The following ATRX variants were observed in gnomAD, a reference collection of about 807,000 sequenced individuals.
ATRX encodes the protein chromatin remodeler ATRX.
Under a neutral mutation model 172.6 loss-of-function variants are expected in ATRX, and 12 were observed. The observed-to-expected ratio is 0.07, with a 90% confidence interval of 0.04 to 0.11. The LOEUF (loss-of-function observed/expected upper bound fraction) is 0.11. Among genes scored for constraint, ATRX ranks in the 10% least tolerant of loss-of-function variants. The pLI is 1.00. For missense variants in ATRX, 1,368 were observed against 1,767.4 expected (o/e 0.77, Z 4.05); for synonymous variants, 674 against 594.7 (o/e 1.13, Z -1.94).
At chrX:77,632,693 G>A (rs1179743178) in intron 19 of ATRX, among the ~76,000 whole-genome samples, 3 of 111,939 alleles carry the variant, frequency 2.7e-5, no homozygotes, top group African/African-American at 9.7e-5. Flanking sequence ...ACAGTACAAC[G>A]TGTTGCTTTT....
chrX:77,546,713 G>A (rs2064256703), intron 30 of ATRX, among the ~76,000 whole-genome samples: 1 of 111,505 alleles, frequency 9.0e-6, no homozygotes, highest in Admixed American at 9.6e-5. Flanking sequence ...TGAACTCCTG[G>A]ATTCAAGCAA....
At chrX:77,650,867 C>T (rs782127265) in intron 15 of ATRX, among the ~76,000 whole-genome samples, 1 of 111,977 alleles carries the variant, frequency 8.9e-6, no homozygotes, top group East Asian at 2.8e-4. Context: ...GGATTACAGG[C>T]GTGAGCCACC....
At chrX:77,778,242 A>G (rs1367354268) in intron 1 of ATRX, among the ~76,000 whole-genome samples, 1 of 110,343 alleles carries the variant, frequency 9.1e-6, no homozygotes, top group Non-Finnish European at 1.9e-5. Context: ...AAAAGCTACC[A>G]TACAAAATGC....
At chrX:77,734,986 G>A (rs1390406518) in intron 1 of ATRX, among the ~76,000 whole-genome samples, 1 of 108,271 alleles carries the variant, frequency 9.2e-6, no homozygotes, top group Non-Finnish European at 1.9e-5. Flanking sequence ...CAGCTACTCG[G>A]GAGGCTGAGG....
intron 22 of ATRX, among the ~76,000 whole-genome samples, chrX:77,613,928 T>C (rs1324960528): frequency 8.9e-6 from 1 of 111,745 alleles, no homozygotes; most frequent in Non-Finnish European, 1.9e-5. Context: ...TATAAACTTC[T>C]GATACCTGAC....
In ATRX at chrX:77,660,732, T is replaced by C. The variant is rs781973619; in HGVS notation, c.4120+2650A>G. Reference sequence around the variant, plus strand: ...TGGCAAGAACTTCTCCCCCTCATCTTTAGTGAATAACTCTTGCCCAAAAGC... The same window carrying C: ...TGGCAAGAACTTCTCCCCCTCATCTCTAGTGAATAACTCTTGCCCAAAAGC... On this transcript the variant is annotated intron_variant, in intron 12 of 34. Transcript: ENST00000373344. Among the ~76,000 whole-genome samples the C allele has an allele frequency of 1.4e-4, 16 of 111,190 alleles. No individual in the cohort carries two copies. In the South Asian group the frequency reaches 1.5e-3, roughly 11 times the overall value.
At chrX:77,603,213 T>C (rs1305727718) in intron 22 of ATRX, among the ~76,000 whole-genome samples, 3 of 111,280 alleles carry the variant, frequency 2.7e-5, no homozygotes, top group Non-Finnish European at 5.7e-5. Context: ...CAATTACAAA[T>C]AAAGAGACCA....
intron 27 of ATRX, among the ~76,000 whole-genome samples, chrX:77,582,131 G>A (rs2065844212): frequency 1.8e-5 from 2 of 111,547 alleles, no homozygotes; most frequent in Admixed American, 9.5e-5. Flanking sequence ...TGGTCGCGGT[G>A]GCTCATGCCT....
intron 25 of ATRX, chrX:77,596,557 C>G (rs1430834311): frequency 9.0e-5 from 10 of 110,695 alleles, no homozygotes; most frequent in African/African-American, 3.3e-4. Flanking sequence ...TGACTGCACA[C>G]AACTAAAATG....
intron 1 of ATRX, among the ~76,000 whole-genome samples, chrX:77,755,509 T>C (rs896645519): frequency 1.1e-4 from 12 of 112,100 alleles, no homozygotes; most frequent in African/African-American, 3.9e-4. Flanking sequence ...GACCTTTTGA[T>C]GGGGTTTTTG....
chrX:77,637,304 A>G (rs1425179604), intron 15 of ATRX, among the ~76,000 whole-genome samples: 1 of 112,294 alleles, frequency 8.9e-6, no homozygotes, highest in Non-Finnish European at 1.9e-5. Flanking sequence ...AAACTTAAGT[A>G]GATATAATAT....
intron 1 of ATRX, among the ~76,000 whole-genome samples, chrX:77,785,107 G>A (rs1355674626): frequency 2.7e-5 from 3 of 111,408 alleles, no homozygotes; most frequent in African/African-American, 9.8e-5. Context: ...CCTAATAAAC[G>A]TGCTTGATTG....
At chrX:77,678,352 C>T (rs2071016250) in intron 9 of ATRX, among the ~76,000 whole-genome samples, 1 of 111,987 alleles carries the variant, frequency 8.9e-6, no homozygotes, top group Non-Finnish European at 1.9e-5. Context: ...ACTGTCACTC[C>T]CTCTTTACTA....
In ATRX at chrX:77,507,108, A is replaced by AT. The variant is rs1313807050; in HGVS notation, c.*1242dup. 1 of 172,520 alleles carries AT rather than the reference A, an allele frequency of 5.8e-6. No homozygotes were observed. Among genetic ancestry groups the AT allele is most frequent in the East Asian group, 8.2e-5 (1 of 12,167 alleles). The allele number at this position is 172,520 out of a possible 1,213,427, so 14.2% of individuals were successfully genotyped here. A position where few individuals can be genotyped will look rare whatever the true frequency, so the allele number is the denominator to read the frequency against. Reference sequence around the variant, plus strand: ...ATTAAGAAAAAATAAAATGTAATACATTTTCTAGTAAAACTTCTAGTAAAG... The same window carrying AT: ...ATTAAGAAAAAATAAAATGTAATACATTTTTCTAGTAAAACTTCTAGTAAAG... On this transcript the variant is annotated 3_prime_UTR_variant, in exon 35 of 35. Transcript: ENST00000373344.
intron 22 of ATRX, among the ~76,000 whole-genome samples, chrX:77,611,283 G>A (rs782499854): frequency 9.0e-6 from 1 of 111,181 alleles, no homozygotes; most frequent in East Asian, 2.8e-4. Flanking sequence ...TTGGAAAAAA[G>A]CATACAATTG....
rs185988504 is a variant in ATRX at position 77,642,675 on chromosome X, A to C, written c.4558-6619T>G. ...AAAAAAAAAACAAAAAAAAAAAAGA[A>C]GGGAAAATGTAGATATCAACAAAAC... On this transcript the variant is annotated intron_variant, in intron 15 of 34. Coordinates refer to ENST00000373344, the MANE Select transcript of ATRX (RefSeq NM_000489.6). Among the ~76,000 whole-genome samples the C allele has an allele frequency of 2.2e-3, 240 of 110,852 alleles. 1 individual carries two copies. Among genetic ancestry groups the C allele is most frequent in the African/African-American group, 7.8e-3 (238 of 30,604 alleles).
chrX:77,774,131 A>G (rs1011445653), intron 1 of ATRX, among the ~76,000 whole-genome samples: 55 of 110,236 alleles, frequency 5.0e-4, no homozygotes, highest in African/African-American at 1.7e-3. Context: ...CTGAGGTAGG[A>G]GAATCACTTG....
chrX:77,712,746 T>C (rs1433445098), intron 2 of ATRX, among the ~76,000 whole-genome samples: 4 of 111,503 alleles, frequency 3.6e-5, no homozygotes, highest in Non-Finnish European at 7.5e-5. Context: ...GGAGAATCGC[T>C]TGAACCCAGG....
At chrX:77,601,874 G>A (rs999187921) in intron 22 of ATRX, among the ~76,000 whole-genome samples, 1 of 111,986 alleles carries the variant, frequency 8.9e-6, no homozygotes, top group African/African-American at 3.2e-5. Context: ...AGAAATCACT[G>A]CTATGAAAAT....
Sources: allele counts gnomAD v4.1 joint callset (sites outside exome capture counted in the v4.1 genomes callset), GRCh38; gene constraint gnomAD v4.1.1; transcripts MANE v1.5; gene names NCBI Gene and HGNC (gene_info 2026-07-23, HGNC 2026-07-21).